Variants in MBP observed in about 807,000 individuals in gnomAD.
The protein encoded by MBP is Golli-MBP.
Under a neutral mutation model 35.8 loss-of-function variants are expected in MBP, and 16 were observed. The ratio of observed to expected loss-of-function variants is 0.45; its 90% confidence interval spans 0.30 to 0.68. The LOEUF is 0.68. MBP is among the 30% of genes least tolerant of loss of function. The pLI is 0.08. For synonymous variants in MBP, 143 were observed against 159.6 expected (o/e 0.90, Z 0.78); for missense variants, 380 against 404.7 (o/e 0.94, Z 0.52).
intron 1 of MBP, among the ~76,000 whole-genome samples, chr18:77,116,592 CTAT>C (rs1009552044): frequency 9.2e-5 from 14 of 152,274 alleles, no homozygotes; most frequent in Middle Eastern, 6.8e-3. Flanking sequence ...GAGGCAAGTG[CTAT>C]TATTATGCTC....
rs564315535 is a variant in MBP at position 77,119,679 on chromosome 18, G to A, written c.-26+12901C>T. Among the ~76,000 whole-genome samples, 43 of 152,304 alleles carry A rather than the reference G, an allele frequency of 2.8e-4. No homozygotes were observed. The East Asian group carries it at 7.9e-3, about 28-fold the overall frequency. On this transcript the variant is annotated intron_variant, in intron 1 of 8. Transcript: ENST00000355994. ...CCTGGTGAGCCCCAGGGAGCCGAGA[G>A]CAGGAGCCAGGACTTAAGGCTCCTC...
chr18:77,072,765 G>A (rs1418048870), intron 2 of MBP, among the ~76,000 whole-genome samples: 2 of 152,214 alleles, frequency 1.3e-5, no homozygotes, highest in Non-Finnish European at 1.5e-5. Flanking sequence ...CCGCAGCGCA[G>A]TTACTCAAAG....
chr18:76,986,404 C>T lies in MBP; in HGVS notation c.751-1510G>A, dbSNP rs180778043. 1.1e-3 allele frequency: 1,112 copies of T among 985,468 alleles called. 6 individuals carry two copies. The highest frequency in any genetic ancestry group is 0.011 in the African/African-American group (638 of 57,344). 61.0% of individuals were successfully genotyped at this position (985,468 alleles called of 1,614,324 possible). On this transcript the variant is annotated intron_variant, in intron 7 of 8. Transcript: ENST00000355994. The stretch of plus-strand genomic sequence containing the variant: ...TATTTAGAGGTGAGGAAGATGACAC[C>T]AGAGGCCTCAAGGCTTCCAGAGCAC...
chr18:77,104,420 G>A (rs1021592743), intron 2 of MBP, among the ~76,000 whole-genome samples: 1 of 152,288 alleles, frequency 6.6e-6, no homozygotes, highest in African/African-American at 2.4e-5. Flanking sequence ...GTAGCCGCAC[G>A]CAGGAGAAAG....
At chr18:77,080,867 G>A (rs979196320) in intron 2 of MBP, among the ~76,000 whole-genome samples, 1 of 152,018 alleles carries the variant, frequency 6.6e-6, no homozygotes, top group Non-Finnish European at 1.5e-5. Context: ...ATTTTTAGTA[G>A]AGACAGGGTT....
At chr18:77,091,852 C>T (rs1416390490) in intron 2 of MBP, among the ~76,000 whole-genome samples, 1 of 152,136 alleles carries the variant, frequency 6.6e-6, no homozygotes, top group African/African-American at 2.4e-5. Context: ...CACACCCATA[C>T]ATACATGTAC....
chr18:76,997,490 TGTGAGATCAGCCTCTG>T (rs1970337165), intron 4 of MBP, among the ~76,000 whole-genome samples: 1 of 152,176 alleles, frequency 6.6e-6, no homozygotes, highest in African/African-American at 2.4e-5. Context: ...CGGCAAAGCG[TGTGAGATCAGCCTCTG>T]GTGAGCTTTT....
At chr18:77,082,189 CT>C (rs1179235114) in intron 2 of MBP, among the ~76,000 whole-genome samples, 1 of 152,110 alleles carries the variant, frequency 6.6e-6, no homozygotes, top group Non-Finnish European at 1.5e-5. Flanking sequence ...AAGGTAGAAA[CT>C]ACCTAAATGT....
At chr18:77,041,591 T>C (rs890866931) in intron 3 of MBP, among the ~76,000 whole-genome samples, 1 of 152,054 alleles carries the variant, frequency 6.6e-6, no homozygotes, top group Admixed American at 6.6e-5. Context: ...TGGAATACTA[T>C]GCAGCCATAA....
Position 76,989,826 on chromosome 18 carries a change from G to A in MBP, c.681+130C>T, listed in dbSNP as rs1313444310. On this transcript the variant is annotated intron_variant, in intron 5 of 8. Transcript: ENST00000355994. The surrounding 1 kb of genome is among the most constrained non-coding windows in gnomAD (Gnocchi z 4.0). The stretch of plus-strand genomic sequence containing the variant: ...TCAGGTGCGAGGGGGGAGTTCCCCG[G>A]CCGGCCTCACCCTGATGATGACCCC... 4 of 722,454 alleles carry A rather than the reference G, an allele frequency of 5.5e-6. No individual in the cohort carries two copies. The highest frequency in any genetic ancestry group is 9.5e-6 in the Non-Finnish European group (4 of 421,398). The allele number at this position is 722,454 out of a possible 1,614,324, so 44.8% of individuals were successfully genotyped here.
chr18:77,125,607 T>C (rs1281331706), intron 1 of MBP, among the ~76,000 whole-genome samples: 1 of 152,150 alleles, frequency 6.6e-6, no homozygotes, highest in African/African-American at 2.4e-5. Flanking sequence ...TCATTTGCAG[T>C]TTGCTGGTTT....
At chr18:77,061,378 T>C (rs1973970383) in intron 3 of MBP, among the ~76,000 whole-genome samples, 1 of 152,212 alleles carries the variant, frequency 6.6e-6, no homozygotes. Context: ...TCTCTGAAAA[T>C]ACTAGCCAAT....
chr18:77,081,841 C>CACACACACACACAG (rs1555726099), intron 2 of MBP, among the ~76,000 whole-genome samples: 1 of 41,036 alleles, frequency 2.4e-5, no homozygotes, highest in Non-Finnish European at 6.4e-5. Context: ...CACACACACA[C>CACACACACACACAG]ATATATATAT....
At chr18:77,033,793 T>TCCATCCATCCATCCATCCATCCAC (rs56663795) in intron 3 of MBP, among the ~76,000 whole-genome samples, 3 of 143,626 alleles carry the variant, frequency 2.1e-5, no homozygotes, top group Admixed American at 7.0e-5. Context: ...CATCCATCCA[T>TCCATCCATCCATCCATCCATCCAC]CCACCCACTC....
intron 3 of MBP, among the ~76,000 whole-genome samples, chr18:77,028,777 G>C (rs1972375989): frequency 9.7e-6 from 1 of 103,076 alleles, no homozygotes; most frequent in African/African-American, 2.7e-5. Flanking sequence ...TCCCGGACGG[G>C]GTGGCTGCTG....
In MBP at chr18:77,025,993, C is replaced by T. The variant is rs765363351; in HGVS notation, c.140-8725G>A. On this transcript the variant is annotated intron_variant, in intron 3 of 8. Transcript: ENST00000355994. Reference sequence around the variant, plus strand: ...GCGGCACCGTGAGTGCATCGCTCATCCCGCTCGCTGTGCTCCCAGCCTGTG... The same window carrying T: ...GCGGCACCGTGAGTGCATCGCTCATTCCGCTCGCTGTGCTCCCAGCCTGTG... Among the ~76,000 whole-genome samples the T allele has an allele frequency of 6.2e-4, 94 of 152,228 alleles. 1 individual carries two copies. The highest frequency in any genetic ancestry group is 2.2e-4 in the Non-Finnish European group (15 of 68,028).
At chr18:77,037,744 T>C (rs1271761426) in intron 3 of MBP, among the ~76,000 whole-genome samples, 3 of 152,222 alleles carry the variant, frequency 2.0e-5, no homozygotes, top group Non-Finnish European at 4.4e-5. Context: ...GAAGCTGCTC[T>C]GTGCAGCCGA....
At chr18:77,123,940 G>A (rs927986484) in intron 1 of MBP, among the ~76,000 whole-genome samples, 3 of 152,214 alleles carry the variant, frequency 2.0e-5, no homozygotes, top group Non-Finnish European at 4.4e-5. Context: ...GTGGTCAGCC[G>A]GGAAGCAGCC....
chr18:77,082,343 C>A (rs958087943), intron 2 of MBP, among the ~76,000 whole-genome samples: 3 of 152,092 alleles, frequency 2.0e-5, no homozygotes, highest in African/African-American at 4.8e-5. Flanking sequence ...AGAAGCCACT[C>A]GCAAAAACCC....
Sources: allele counts gnomAD v4.1 joint callset (sites outside exome capture counted in the v4.1 genomes callset), GRCh38; gene constraint gnomAD v4.1.1; non-coding constraint Gnocchi (gnomAD v3.1); transcripts MANE v1.5; gene names NCBI Gene and HGNC (gene_info 2026-07-23, HGNC 2026-07-21).